The following TMX3 variants were observed in gnomAD, a reference collection of about 807,000 sequenced individuals.
TMX3 encodes the protein protein disulfide-isomerase TMX3.
TMX3 carries 40 observed loss-of-function variants against 64.4 expected under a neutral mutation model. That is an observed-to-expected ratio of 0.62 (90% CI 0.48 to 0.81). TMX3 has a LOEUF of 0.81. Among genes scored for constraint, TMX3 ranks in the 30% least tolerant of loss-of-function variants. The pLI, the probability that TMX3 is intolerant of heterozygous loss-of-function variation, is 0.00. For synonymous variants in TMX3, 189 were observed against 175.7 expected (o/e 1.08, Z -0.60); for missense variants, 497 against 534.5 (o/e 0.93, Z 0.69).
Position 68,676,244 on chromosome 18 carries a change from A to C in TMX3, c.*689T>G, listed in dbSNP as rs1183971610. The C allele has an allele frequency of 6.6e-6, 1 of 152,214 alleles. No homozygotes were observed. The highest frequency in any genetic ancestry group is 1.5e-5 in the Non-Finnish European group (1 of 68,056). The allele number at this position is 152,214 out of a possible 1,614,324, so 9.4% of individuals were successfully genotyped here. On this transcript the variant is annotated 3_prime_UTR_variant, in exon 16 of 16. Transcript: ENST00000299608. ...GTTAGTATTCCAAGGAATGGGCTGA[A>C]ACCTCTACTCAGTAAATCCTGTTTA...
intron 8 of TMX3, among the ~76,000 whole-genome samples, chr18:68,692,948 A>T (rs1285486951): frequency 6.6e-6 from 1 of 152,210 alleles, no homozygotes; most frequent in South Asian, 2.1e-4. Context: ...AGAACACAGC[A>T]AACCCTCTGG....
intron 9 of TMX3, among the ~76,000 whole-genome samples, chr18:68,690,415 G>C (rs1914402314): frequency 6.6e-6 from 1 of 152,194 alleles, no homozygotes; most frequent in Admixed American, 6.5e-5. Context: ...GAGTGGCTTT[G>C]TGGTGGCCTA....
intron 6 of TMX3, among the ~76,000 whole-genome samples, chr18:68,699,313 C>T (rs1345778855): frequency 6.6e-6 from 1 of 152,072 alleles, no homozygotes; most frequent in African/African-American, 2.4e-5. Context: ...AACCAAAACT[C>T]ATTAAAAATT....
At chr18:68,707,505 TA>T (rs905308986) in intron 4 of TMX3, among the ~76,000 whole-genome samples, 1 of 152,234 alleles carries the variant, frequency 6.6e-6, no homozygotes, top group Non-Finnish European at 1.5e-5. Context: ...ATGAATTAGA[TA>T]CAATATAGAA....
In TMX3 at chr18:68,684,263, T is replaced by C. The variant is rs765715552; in HGVS notation, c.795-20A>G. The stretch of plus-strand genomic sequence containing the variant: ...TTCAATCTGTAGAAGAACAAACATA[T>C]GAATAGTTCATCTCTGCACTTGAAA... On this transcript the variant is annotated intron_variant, in intron 11 of 15. Transcript: ENST00000299608. 1.3e-5 allele frequency: 21 copies of C among 1,599,328 alleles called. No individual in the cohort carries two copies. The highest frequency in any genetic ancestry group is 1.7e-5 in the Non-Finnish European group (20 of 1,168,680).
chr18:68,697,342 A>G, intron 7 of TMX3, 39 bp from the exon 8 acceptor site: 1 of 1,227,532 alleles, frequency 8.1e-7, no homozygotes, highest in South Asian at 1.5e-5. Flanking sequence ...ATTGAAAAAT[A>G]TTAAAGGCCA....
intron 13 of TMX3, among the ~76,000 whole-genome samples, chr18:68,682,449 A>G (rs1002562314): frequency 9.8e-5 from 15 of 152,344 alleles, no homozygotes; most frequent in African/African-American, 3.6e-4. Flanking sequence ...TCGTTTTTGA[A>G]TGCTAAACAT....
At chr18:68,696,407 T>C (rs1025761127) in intron 8 of TMX3, among the ~76,000 whole-genome samples, 7 of 151,792 alleles carry the variant, frequency 4.6e-5, no homozygotes, top group Admixed American at 1.3e-4. Context: ...CTTCTGACCT[T>C]GTGATCTGCC....
intron 15 of TMX3, 105 bp downstream of exon 15, chr18:68,679,358 A>T: frequency 2.5e-6 from 2 of 809,136 alleles, no homozygotes; most frequent in Non-Finnish European, 3.8e-6. Context: ...CAAATTAAAA[A>T]GACATATTTT....
intron 4 of TMX3, among the ~76,000 whole-genome samples, chr18:68,702,152 TTCTAGG>T (rs2030154831): frequency 7.0e-6 from 1 of 143,430 alleles, no homozygotes; most frequent in Admixed American, 6.9e-5. Flanking sequence ...CAAATATTTC[TTCTAGG>T]TCTCATTTAC....
intron 9 of TMX3, chr18:68,688,412 T>C (rs561585577): frequency 3.3e-5 from 5 of 152,322 alleles, no homozygotes; most frequent in South Asian, 4.1e-4. Context: ...GCTAAGCAGA[T>C]AGAAAATATA....
Position 68,684,454 on chromosome 18 carries a change from C to T in TMX3, c.768G>A (p.Glu256=). 6.2e-7 allele frequency: 1 copy of T among 1,612,936 alleles called. No individual in the cohort carries two copies. Among genetic ancestry groups the T allele is most frequent in the African/African-American group, 1.3e-5 (1 of 74,998 alleles). The part of the protein sequence containing the change: ...GKLVALAVID[E]KNTSVEHTRL... ...TGGTATGTTCAACTGATGTATTTTT[C>T]TCATCAATAACTGCAAGAGCCACAA... Residue 256 remains glutamate (E), a synonymous_variant, in exon 11 of 16, where the codon GAG becomes GAA. Coordinates refer to ENST00000299608, the MANE Select transcript of TMX3 (RefSeq NM_019022.5).
At position 68,676,067 on chromosome 18, in the gene TMX3, C is replaced by T. The variant is rs1912902845; in HGVS notation, c.*866G>A. On this transcript the variant is annotated 3_prime_UTR_variant, in exon 16 of 16. Transcript: ENST00000299608. Reference sequence around the variant, plus strand: ...CAGAAACATAAAAATATGATACATACCACTTTTCAAAAAGCAGAAGATTTT... The same window carrying T: ...CAGAAACATAAAAATATGATACATATCACTTTTCAAAAAGCAGAAGATTTT... 1 of 152,046 alleles carries T rather than the reference C, an allele frequency of 6.6e-6. No homozygotes were observed. Among genetic ancestry groups the T allele is most frequent in the Admixed American group, 6.6e-5 (1 of 15,246 alleles). 9.4% of individuals were successfully genotyped at this position (152,046 alleles called of 1,614,324 possible).
Position 68,687,722 on chromosome 18 carries a change from C to T in TMX3, c.681G>A (p.Arg227=). 1 of 1,612,494 alleles carries T rather than the reference C, an allele frequency of 6.2e-7. No homozygotes were observed. Among genetic ancestry groups the T allele is most frequent in the Non-Finnish European group, 8.5e-7 (1 of 1,179,310 alleles). Residue 227 remains arginine, a synonymous_variant, in exon 10 of 16, where the codon AGG becomes AGA. Transcript: ENST00000299608. ...CATCCATAGCAAGGTAATTCTGAAA[C>T]CTTTCCCTGTTGATCCATGATGACA... is the stretch of plus-strand genomic sequence containing the variant. ...GDLSSWINRE[R]FQNYLAMDGF...
chr18:68,691,446 G>A, intron 8 of TMX3, 85 bp from the exon 9 acceptor site: 1 of 848,098 alleles, frequency 1.2e-6, no homozygotes, highest in Non-Finnish European at 1.7e-6. Context: ...TGAGATACCA[G>A]AAAACTCAAA....
At chr18:68,710,485 T>C (rs2031164887) in intron 3 of TMX3, among the ~76,000 whole-genome samples, 1 of 152,172 alleles carries the variant, frequency 6.6e-6, no homozygotes, top group South Asian at 2.1e-4. Flanking sequence ...AATAAACATA[T>C]ATATACAACA....
chr18:68,683,049 C>G, intron 12 of TMX3, 68 bp from the exon 13 acceptor site: 1 of 1,364,612 alleles, frequency 7.3e-7, no homozygotes, highest in East Asian at 2.3e-5. Flanking sequence ...AGAGAGAAAG[C>G]TCATTAAATA....
intron 8 of TMX3, among the ~76,000 whole-genome samples, chr18:68,694,291 G>A (rs1467191797): frequency 2.6e-5 from 4 of 152,154 alleles, no homozygotes; most frequent in Non-Finnish European, 5.9e-5. Flanking sequence ...CCCTCTTCAG[G>A]GCTCTGCAGT....
At position 68,713,845 on chromosome 18, in the gene TMX3, C is replaced by T; in HGVS notation, c.101+1G>A. On this transcript the variant is annotated splice_donor_variant, in intron 2 of 15. Transcript: ENST00000299608. LOFTEE classifies it high-confidence loss of function. ...TTTTAAATATATATATGTATACTCA[C>T]GATTCATCTAAATCTTCTACAAATC... 6.6e-7 allele frequency: 1 copy of T among 1,505,674 alleles called. No homozygotes were observed. The highest frequency in any genetic ancestry group is 1.2e-5 in the South Asian group (1 of 83,862). The allele number at this position is 1,505,674 out of a possible 1,614,324, so 93.3% of individuals were successfully genotyped here.
Sources: gnomAD v4.1 joint callset for allele counts (sites outside exome capture counted in the v4.1 genomes callset) on GRCh38, gnomAD v4.1.1 for gene constraint, MANE v1.5 for transcripts, NCBI Gene and HGNC (gene_info 2026-07-23, HGNC 2026-07-21) for gene names.